Variants in NALCN observed in about 807,000 individuals in gnomAD.
NALCN encodes the protein sodium leak channel NALCN.
Under a neutral mutation model 225.3 loss-of-function variants are expected in NALCN, and 111 were observed. The ratio of observed to expected loss-of-function variants is 0.49; its 90% CI spans 0.42 to 0.58. The LOEUF is 0.58. Ranked by LOEUF, NALCN falls within the 20% of genes least tolerant of loss-of-function variation. The probability of loss-of-function intolerance (pLI) is 0.00; values close to 1 mark genes in which losing one functional copy is unlikely to be tolerated. For missense variants in NALCN, 1,378 were observed against 2,202.4 expected (o/e 0.63, Z 7.49); for synonymous variants, 764 against 769.0 (o/e 0.99, Z 0.11).
intron 32 of NALCN, 47 bp downstream of exon 32, chr13:101,083,045 A>G: frequency 1.3e-6 from 2 of 1,578,810 alleles, no homozygotes; most frequent in South Asian, 2.2e-5. Flanking sequence ...CGGATGTAGC[A>G]GTGAATACAA....
At chr13:101,308,967 T>G (rs1309415408) in intron 7 of NALCN, among the ~76,000 whole-genome samples, 3 of 152,148 alleles carry the variant, frequency 2.0e-5, no homozygotes, top group Non-Finnish European at 4.4e-5. Context: ...AATGTACAAT[T>G]TAATGTCACA....
At chr13:101,094,976 A>G (rs2034427219) in intron 28 of NALCN, among the ~76,000 whole-genome samples, 2 of 152,218 alleles carry the variant, frequency 1.3e-5, no homozygotes, top group Non-Finnish European at 2.9e-5. Flanking sequence ...AGACTGAGAG[A>G]TTCACTCATG....
At chr13:101,210,598 G>A (rs1164911334) in intron 13 of NALCN, among the ~76,000 whole-genome samples, 1 of 152,126 alleles carries the variant, frequency 6.6e-6, no homozygotes, top group Admixed American at 6.5e-5. Context: ...TGGAATTGGG[G>A]ACTATTTTTA....
At chr13:101,253,091 T>C (rs903623204) in intron 11 of NALCN, among the ~76,000 whole-genome samples, 6 of 152,100 alleles carry the variant, frequency 3.9e-5, no homozygotes, top group Non-Finnish European at 7.4e-5. Context: ...AATAATATAT[T>C]CTCTTAGATC....
intron 13 of NALCN, among the ~76,000 whole-genome samples, chr13:101,195,764 C>T (rs900141758): frequency 1.3e-5 from 2 of 152,122 alleles, no homozygotes; most frequent in Admixed American, 6.6e-5. Flanking sequence ...ATGTAAATCT[C>T]GATTTCTTTT....
At chr13:101,383,441 G>A (rs9585685) in intron 3 of NALCN, among the ~76,000 whole-genome samples, 10,208 of 152,100 alleles carry the variant, frequency 0.067, 613 homozygotes, top group African/African-American at 0.16. Context: ...CATGGTAAAT[G>A]TTTGAGTGTA....
chr13:101,295,757 T>C (rs1440930631), intron 7 of NALCN, among the ~76,000 whole-genome samples: 1 of 152,102 alleles, frequency 6.6e-6, no homozygotes, highest in Non-Finnish European at 1.5e-5. Context: ...CTACACTGGG[T>C]AGAAAGGCTG....
intron 15 of NALCN, among the ~76,000 whole-genome samples, chr13:101,149,608 A>G (rs2037535480): frequency 6.6e-6 from 1 of 152,260 alleles, no homozygotes; most frequent in Non-Finnish European, 1.5e-5. Flanking sequence ...GTGAAACTAC[A>G]AAGAACAGAC....
At chr13:101,357,344 T>C (rs571612297) in intron 6 of NALCN, among the ~76,000 whole-genome samples, 86 of 152,248 alleles carry the variant, frequency 5.6e-4, no homozygotes, top group African/African-American at 2.0e-3. Context: ...AATCTCAGGA[T>C]ACAAAATGGA....
At chr13:101,135,088 A>G (rs187329432) in intron 17 of NALCN, among the ~76,000 whole-genome samples, 2,295 of 152,068 alleles carry the variant, frequency 0.015, 28 homozygotes, top group Admixed American at 0.027. Flanking sequence ...CCAGCTACTC[A>G]GGAGGCTGAG....
intron 39 of NALCN, among the ~76,000 whole-genome samples, chr13:101,065,850 C>A (rs1010390028): frequency 5.9e-5 from 9 of 152,090 alleles, no homozygotes; most frequent in Non-Finnish European, 1.2e-4. Flanking sequence ...CCCCCAGGAC[C>A]CTACTCTTGC....
At position 101,089,864 on chromosome 13, in the gene NALCN, A is replaced by G. The variant is rs763510967; in HGVS notation, c.3372T>C (p.Ile1124=). The G allele has an allele frequency of 2.3e-5, 37 of 1,614,116 alleles. No homozygotes were observed. Among genetic ancestry groups the G allele is most frequent in the Non-Finnish European group, 3.1e-5 (36 of 1,179,946 alleles). The stretch of plus-strand genomic sequence containing the variant: ...CGCTTACCGGCCCCACACGATGAAT[A>G]ATAACATCTCTCACTTCCACCCAGC... ...LKGWVEVRDV[I]IHRVGPIHGI... is the part of the protein sequence containing the mutation. The change falls in exon 29 of 44, where the codon ATT becomes ATC. Residue 1124 remains isoleucine, a synonymous_variant. Transcript: ENST00000251127. The surrounding 1 kb of genome is among the most constrained non-coding windows in gnomAD (Gnocchi z 4.7).
At chr13:101,197,083 T>C (rs1305860663) in intron 13 of NALCN, among the ~76,000 whole-genome samples, 1 of 152,172 alleles carries the variant, frequency 6.6e-6, no homozygotes, top group Non-Finnish European at 1.5e-5. Context: ...TAGTGGATTA[T>C]TTTGCCTCTG....
chr13:101,133,780 T>C (rs80133182), intron 17 of NALCN, among the ~76,000 whole-genome samples: 2,888 of 152,306 alleles, frequency 0.019, 103 homozygotes, highest in African/African-American at 0.067. Flanking sequence ...TGGATGTATA[T>C]AAAGGTGAAT....
intron 9 of NALCN, among the ~76,000 whole-genome samples, chr13:101,289,652 C>A (rs1481641832): frequency 6.6e-6 from 1 of 151,836 alleles, no homozygotes; most frequent in Non-Finnish European, 1.5e-5. Context: ...TGAGAATAGC[C>A]TATATTTAAC....
chr13:101,135,669 T>C (rs899123719), intron 17 of NALCN, among the ~76,000 whole-genome samples: 6 of 152,150 alleles, frequency 3.9e-5, no homozygotes, highest in African/African-American at 1.2e-4. Flanking sequence ...GCTGGGATTA[T>C]GGGTGTAGAA....
intron 13 of NALCN, among the ~76,000 whole-genome samples, chr13:101,193,723 A>G (rs1385837035): frequency 6.6e-6 from 1 of 152,194 alleles, no homozygotes; most frequent in Non-Finnish European, 1.5e-5. Flanking sequence ...ATTTTTCAAC[A>G]CATCACTTAT....
At chr13:101,080,609 A>T (rs1017678529) in intron 34 of NALCN, among the ~76,000 whole-genome samples, 15 of 126,380 alleles carry the variant, frequency 1.2e-4, no homozygotes, top group African/African-American at 3.7e-4. Flanking sequence ...AATTAATTAT[A>T]TAATCAATTA....
intron 10 of NALCN, among the ~76,000 whole-genome samples, chr13:101,267,352 C>G (rs2042631236): frequency 6.6e-6 from 1 of 152,192 alleles, no homozygotes; most frequent in Admixed American, 6.5e-5. Context: ...GAAATCACCT[C>G]TAAGCAGGAT....
Sources: allele counts gnomAD v4.1 joint callset (sites outside exome capture counted in the v4.1 genomes callset), GRCh38; gene constraint gnomAD v4.1.1; non-coding constraint Gnocchi (gnomAD v3.1); transcripts MANE v1.5; gene names NCBI Gene and HGNC (gene_info 2026-07-23, HGNC 2026-07-21).